The following MME variants were observed in gnomAD, a reference collection of about 807,000 sequenced individuals.
MME encodes membrane metalloendopeptidase.
Under a neutral mutation model 113.2 loss-of-function variants are expected in MME, and 98 were observed. The ratio of observed to expected loss-of-function variants is 0.87; its 90% CI spans 0.74 to 1.02. The LOEUF (loss-of-function observed/expected upper bound fraction) is 1.02, where lower values mean the gene tolerates loss of function less well. Among genes scored for constraint, MME ranks in the 50% least tolerant of loss-of-function variants. The probability of loss-of-function intolerance (pLI) is 0.00; values close to 1 mark genes in which losing one functional copy is unlikely to be tolerated. For missense variants in MME, 836 were observed against 896.0 expected, an observed-to-expected ratio of 0.93 and a Z score of 0.86; for synonymous variants, 292 against 300.6, an observed-to-expected ratio of 0.97 and a Z score of 0.30.
At chr3:155,097,614 C>T (rs978424055) in intron 3 of MME, among the ~76,000 whole-genome samples, 1 of 151,992 alleles carries the variant, frequency 6.6e-6, no homozygotes, top group Non-Finnish European at 1.5e-5. Flanking sequence ...AGGATGATTC[C>T]GAGATAAAGG....
chr3:155,094,906 GC>G (rs1461961735), intron 3 of MME, among the ~76,000 whole-genome samples: 9 of 152,180 alleles, frequency 5.9e-5, no homozygotes, highest in African/African-American at 2.2e-4. Flanking sequence ...GGTATTCAAT[GC>G]GTGGTCCATG....
chr3:155,025,739 C>T (rs1248532694), intron 1 of MME, among the ~76,000 whole-genome samples: 1 of 122,472 alleles, frequency 8.2e-6, no homozygotes, highest in Admixed American at 9.1e-5. Context: ...GTCGCCCAGG[C>T]TGGAGTGCAA....
chr3:155,122,131 C>T (rs1209155430), intron 8 of MME, among the ~76,000 whole-genome samples: 1 of 138,340 alleles, frequency 7.2e-6, no homozygotes, highest in African/African-American at 2.7e-5. Context: ...CAACTTCTTC[C>T]TGGTTTAGTC....
At chr3:155,167,298 T>C (rs951363219) in intron 18 of MME, among the ~76,000 whole-genome samples, 1 of 152,186 alleles carries the variant, frequency 6.6e-6, no homozygotes, top group Non-Finnish European at 1.5e-5. Flanking sequence ...GTGATAATAC[T>C]AGGTCTTAGT....
At chr3:155,094,565 CAGAG>C (rs1311506848) in intron 3 of MME, among the ~76,000 whole-genome samples, 2 of 152,014 alleles carry the variant, frequency 1.3e-5, no homozygotes, top group East Asian at 3.8e-4. Flanking sequence ...TAGCCAGAAA[CAGAG>C]AGAAAGAAAA....
At chr3:155,041,536 A>G (rs1412119488) in intron 1 of MME, among the ~76,000 whole-genome samples, 1 of 152,184 alleles carries the variant, frequency 6.6e-6, no homozygotes, top group Non-Finnish European at 1.5e-5. Flanking sequence ...TTTTTCCATA[A>G]GATTAATAAA....
rs755670963 is a variant in MME, at chr3:155,172,173, C to A, written c.2037C>A (p.Asp679Glu). The change falls in exon 21 of 23, where the codon GAC becomes GAA. Residue 679 changes from aspartate (D) to glutamate (E), a missense_variant. Physicochemically the swap from Asp to Glu is conservative, Grantham distance 45. Transcript: ENST00000360490. ...AAGAAAAATTACTTCCTGGACTTGA[C>A]CTAAATCACAAACAACTATTTTTCT... is the stretch of plus-strand genomic sequence containing the variant. The part of the protein sequence containing the change: ...NGEEKLLPGL[D>E]LNHKQLFFLN... The A allele has an allele frequency of 6.2e-7, 1 of 1,611,862 alleles. No individual in the cohort carries two copies. Among genetic ancestry groups the A allele is most frequent in the East Asian group, 2.2e-5 (1 of 44,704 alleles).
chr3:155,044,098 T>C (rs1252453267), intron 1 of MME, among the ~76,000 whole-genome samples: 2 of 151,452 alleles, frequency 1.3e-5, no homozygotes, highest in African/African-American at 2.4e-5. Context: ...TTATAACTAT[T>C]ATATGTTGAA....
intron 16 of MME, among the ~76,000 whole-genome samples, chr3:155,159,276 T>G (rs1195472556): frequency 6.6e-6 from 1 of 152,042 alleles, no homozygotes; most frequent in Non-Finnish European, 1.5e-5. Context: ...CTAATTGTGC[T>G]AATTACTGTA....
At chr3:155,148,415 C>CT in intron 15 of MME, 135 bp from the exon 16 acceptor site, 1 of 639,776 alleles carries the variant, frequency 1.6e-6, no homozygotes, top group Non-Finnish European at 2.8e-6. Context: ...GAACTACATC[C>CT]TTTTTTGGTA....
At chr3:155,145,724 A>G (rs1721454907) in intron 14 of MME, among the ~76,000 whole-genome samples, 1 of 152,202 alleles carries the variant, frequency 6.6e-6, no homozygotes, top group Non-Finnish European at 1.5e-5. Context: ...TGTTTTTGCG[A>G]CAGCATTTAC....
At chr3:155,086,444 T>C (rs2108174415) in intron 3 of MME, among the ~76,000 whole-genome samples, 1 of 152,272 alleles carries the variant, frequency 6.6e-6, no homozygotes, top group South Asian at 2.1e-4. Context: ...AGTGGAAGCC[T>C]TGGAAGTATT....
At chr3:155,075,194 A>G (rs185772420), upstream of MME, among the ~76,000 whole-genome samples, 16 of 151,746 alleles carry the variant, frequency 1.1e-4, no homozygotes, top group East Asian at 2.3e-3. Context: ...GAATTGATTA[A>G]TCTCTTTTTT....
At chr3:155,073,081 C>CA (rs1233995801) in intron 1 of MME, among the ~76,000 whole-genome samples, 7 of 152,106 alleles carry the variant, frequency 4.6e-5, no homozygotes, top group African/African-American at 1.4e-4. Context: ...CCAACAAGGG[C>CA]AAATTTTTCC....
chr3:155,063,973 C>A (rs1714298014), intron 1 of MME, among the ~76,000 whole-genome samples: 1 of 148,266 alleles, frequency 6.7e-6, no homozygotes, highest in South Asian at 2.1e-4. Context: ...GTAGTTTAAT[C>A]TGATAGGACT....
chr3:155,123,510 G>C (rs1445805286), intron 8 of MME, among the ~76,000 whole-genome samples: 1 of 39,432 alleles, frequency 2.5e-5, no homozygotes, highest in African/African-American at 9.5e-5. Context: ...TTTCTTCCTA[G>C]TCTCGATGGT....
chr3:155,076,324 A>AT (rs1164126625), upstream of MME, among the ~76,000 whole-genome samples: 2 of 152,134 alleles, frequency 1.3e-5, no homozygotes, highest in Non-Finnish European at 2.9e-5. Flanking sequence ...GCTGAGTTTC[A>AT]TTTTTTGTTA....
At chr3:155,061,261 G>A (rs1185551795) in intron 1 of MME, among the ~76,000 whole-genome samples, 1 of 151,976 alleles carries the variant, frequency 6.6e-6, no homozygotes, top group Non-Finnish European at 1.5e-5. Context: ...GACCATCCTG[G>A]CTAACATGGT....
intron 1 of MME, among the ~76,000 whole-genome samples, chr3:155,044,373 T>A (rs1016045836): frequency 6.6e-6 from 1 of 152,082 alleles, no homozygotes; most frequent in Non-Finnish European, 1.5e-5. Flanking sequence ...TCTCAGACGA[T>A]CCACCTGCCT....
Sources: gnomAD v4.1 joint callset for allele counts (sites outside exome capture counted in the v4.1 genomes callset) on GRCh38, gnomAD v4.1.1 for gene constraint, MANE v1.5 for transcripts, NCBI Gene and HGNC (gene_info 2026-07-23, HGNC 2026-07-21) for gene names.